DSCAM: variants seen among roughly 807,000 people sequenced by gnomAD.
DSCAM encodes the protein DS cell adhesion molecule, also known as cell adhesion molecule DSCAM.
In DSCAM, 47 loss-of-function variants were observed where a neutral mutation model predicts 217.7. That is an observed-to-expected ratio of 0.22 (90% CI 0.17 to 0.28). The LOEUF is 0.28. Ranked by LOEUF, DSCAM falls within the 10% of genes least tolerant of loss-of-function variation. The pLI, the probability that DSCAM is intolerant of heterozygous loss-of-function variation, is 1.00. For synonymous variants in DSCAM, 1,056 were observed against 1,015.3 expected (o/e 1.04, Z -0.76); for missense variants, 2,080 against 2,618.3 (o/e 0.79, Z 4.49).
intron 1 of DSCAM, among the ~76,000 whole-genome samples, chr21:40,760,191 T>G (rs2091318656): frequency 6.6e-6 from 1 of 151,818 alleles, no homozygotes; most frequent in Non-Finnish European, 1.5e-5. Flanking sequence ...TTTTATTGTT[T>G]TTAGTAGAGA....
intron 20 of DSCAM, among the ~76,000 whole-genome samples, chr21:40,117,684 T>A (rs1316876825): frequency 6.6e-6 from 1 of 152,056 alleles, no homozygotes; most frequent in Non-Finnish European, 1.5e-5. Context: ...ACAGAAAATA[T>A]CGGAGGGCAT....
chr21:40,075,237 G>T, intron 26 of DSCAM, 24 bp from the exon 27 acceptor site: 1 of 1,613,518 alleles, frequency 6.2e-7, no homozygotes, highest in East Asian at 2.2e-5. Context: ...CACGGTGTTA[G>T]ATGGCTATTA....
chr21:40,355,656 C>T (rs2074683819), intron 4 of DSCAM, among the ~76,000 whole-genome samples: 1 of 152,176 alleles, frequency 6.6e-6, no homozygotes, highest in Non-Finnish European at 1.5e-5. Context: ...ATGGATATTA[C>T]AGAAACGTTA....
At chr21:40,114,985 C>A (rs1039326562) in intron 20 of DSCAM, among the ~76,000 whole-genome samples, 2 of 152,134 alleles carry the variant, frequency 1.3e-5, no homozygotes, top group Non-Finnish European at 1.5e-5. Context: ...ACTAGTTCAA[C>A]CATTGTGGAA....
At chr21:40,471,363 G>A (rs2075886935) in intron 3 of DSCAM, among the ~76,000 whole-genome samples, 1 of 152,160 alleles carries the variant, frequency 6.6e-6, no homozygotes, top group African/African-American at 2.4e-5. Context: ...ACAACTATGG[G>A]GCTCTATGCC....
intron 16 of DSCAM, among the ~76,000 whole-genome samples, chr21:40,159,445 A>G (rs1302252433): frequency 1.3e-5 from 2 of 152,232 alleles, no homozygotes; most frequent in African/African-American, 2.4e-5. Flanking sequence ...GCTCAATGCC[A>G]TATTAACTTT....
chr21:40,755,653 G>A (rs2091268432), intron 1 of DSCAM, among the ~76,000 whole-genome samples: 1 of 152,144 alleles, frequency 6.6e-6, no homozygotes, highest in Non-Finnish European at 1.5e-5. Context: ...ATAAGGCAGA[G>A]AGCAGGACTG....
At chr21:40,031,036 T>C (rs979944462) in intron 32 of DSCAM, among the ~76,000 whole-genome samples, 2 of 152,220 alleles carry the variant, frequency 1.3e-5, no homozygotes, top group African/African-American at 4.8e-5. Context: ...GTTGCTAAGC[T>C]GGTGTTTGTG....
In DSCAM at chr21:40,431,422, C is replaced by T. The variant is rs117479825; in HGVS notation, c.509-62177G>A. ...TGATGATCCACTTCCACCTAATGAA[C>T]TACTCAATGTGAAGACGATGAGGAC... On this transcript the variant is annotated intron_variant, in intron 3 of 32. Coordinates refer to ENST00000400454, the MANE Select transcript of DSCAM (RefSeq NM_001389.5). Among the ~76,000 whole-genome samples, 815 of 149,536 alleles carry T rather than the reference C, an allele frequency of 5.5e-3. 5 individuals carry two copies. Among genetic ancestry groups the T allele is most frequent in the Non-Finnish European group, 9.5e-3 (630 of 66,400 alleles).
At chr21:40,262,744 G>A (rs1258549705) in intron 11 of DSCAM, among the ~76,000 whole-genome samples, 4 of 152,186 alleles carry the variant, frequency 2.6e-5, no homozygotes, top group Non-Finnish European at 5.9e-5. Flanking sequence ...TTTGGCTGGA[G>A]GGCAGTGATA....
At chr21:40,653,617 T>C (rs151199070) in intron 3 of DSCAM, among the ~76,000 whole-genome samples, 179 of 152,250 alleles carry the variant, frequency 1.2e-3, no homozygotes, top group African/African-American at 4.2e-3. Flanking sequence ...AGCCCCAGGT[T>C]AGACTCCTAA....
At chr21:40,358,935 A>C (rs2074727399) in intron 4 of DSCAM, among the ~76,000 whole-genome samples, 1 of 152,202 alleles carries the variant, frequency 6.6e-6, no homozygotes, top group Non-Finnish European at 1.5e-5. Context: ...TATCTCTATA[A>C]TGAAAAGAAA....
At chr21:40,808,319 T>G (rs6517617) in intron 1 of DSCAM, among the ~76,000 whole-genome samples, 136,481 of 152,114 alleles carry the variant, frequency 0.9, 61,296 homozygotes, top group African/African-American at 0.92. Context: ...AGACCCAAAG[T>G]TCACAAAAAA....
rs2092149412 is a variant in DSCAM at position 40,846,772 on chromosome 21, C to T, written c.-111G>A. ...GCACCTGCCCGGGGGCCGCCGCCCG[C>T]CCGCCGCCCGCCGCCGCCGCCGCCG... is the stretch of plus-strand genomic sequence containing the variant. On this transcript the variant is annotated 5_prime_UTR_variant, in exon 1 of 33. Coordinates refer to ENST00000400454, the MANE Select transcript of DSCAM (RefSeq NM_001389.5). 2.8e-6 allele frequency: 1 copy of T among 358,574 alleles called. No individual in the cohort carries two copies. Among genetic ancestry groups the T allele is most frequent in the East Asian group, 1.7e-4 (1 of 5,950 alleles). 22.2% of individuals were successfully genotyped at this position (358,574 alleles called of 1,614,324 possible).
intron 32 of DSCAM, among the ~76,000 whole-genome samples, chr21:40,027,333 G>T (rs1468785874): frequency 6.6e-6 from 1 of 152,210 alleles, no homozygotes; most frequent in African/African-American, 2.4e-5. Context: ...TTCAACTTTG[G>T]TGAATCTGAC....
intron 20 of DSCAM, among the ~76,000 whole-genome samples, chr21:40,105,742 T>A (rs770767872): frequency 6.6e-6 from 1 of 152,128 alleles, no homozygotes; most frequent in Non-Finnish European, 1.5e-5. Context: ...GATAAACTTA[T>A]AAAAAACAAC....
intron 20 of DSCAM, among the ~76,000 whole-genome samples, chr21:40,099,008 T>C (rs73908405): frequency 0.021 from 3,147 of 152,288 alleles, 106 homozygotes; most frequent in African/African-American, 0.072. Flanking sequence ...TGTACTTGCA[T>C]TGTGTGATTC....
chr21:40,593,617 A>G (rs1480119601), intron 3 of DSCAM, among the ~76,000 whole-genome samples: 1 of 152,204 alleles, frequency 6.6e-6, no homozygotes, highest in East Asian at 1.9e-4. Flanking sequence ...AAGTGCTGGG[A>G]CTACAGGCAT....
chr21:40,331,497 C>G (rs142145114), intron 8 of DSCAM, among the ~76,000 whole-genome samples: 2 of 152,136 alleles, frequency 1.3e-5, no homozygotes, highest in African/African-American at 4.8e-5. Flanking sequence ...CAAGACATTA[C>G]GGTGACAGAC....
Sources: gnomAD v4.1 joint callset for allele counts (sites outside exome capture counted in the v4.1 genomes callset) on GRCh38, gnomAD v4.1.1 for gene constraint, MANE v1.5 for transcripts, NCBI Gene and HGNC (gene_info 2026-07-23, HGNC 2026-07-21) for gene names.